Variants in SLC24A2 observed in about 807,000 individuals in gnomAD.
SLC24A2 encodes solute carrier family 24 member 2, also known as sodium/potassium/calcium exchanger 2.
In SLC24A2, 36 loss-of-function variants were observed where a neutral mutation model predicts 62.0. The ratio of observed to expected loss-of-function variants is 0.58; its 90% confidence interval spans 0.44 to 0.77. The LOEUF (loss-of-function observed/expected upper bound fraction) is 0.77. Among genes scored for constraint, SLC24A2 ranks in the 30% least tolerant of loss-of-function variants. The probability of loss-of-function intolerance (pLI) is 0.00; values close to 1 mark genes in which losing one functional copy is unlikely to be tolerated. For missense variants in SLC24A2, 846 were observed against 817.9 expected (o/e 1.03, Z -0.42); for synonymous variants, 358 against 294.0 (o/e 1.22, Z -2.23).
chr9:19,728,031 C>T (rs1821223193), intron 2 of SLC24A2, among the ~76,000 whole-genome samples: 1 of 152,122 alleles, frequency 6.6e-6, no homozygotes, highest in Admixed American at 6.6e-5. Context: ...TCACAGGCTT[C>T]CACTGCTTGC....
chr9:20,134,101 T>G, the SLC24A2 span, among the ~76,000 whole-genome samples: 2 of 152,108 alleles, frequency 1.3e-5, no homozygotes, highest in Non-Finnish European at 2.9e-5. Context: ...ATGATATCGA[T>G]GAGAGCTGAA....
At chr9:20,239,281 G>A in the SLC24A2 span, among the ~76,000 whole-genome samples, 1 of 152,222 alleles carries the variant, frequency 6.6e-6, no homozygotes, top group African/African-American at 2.4e-5. Context: ...TTAACTGTGT[G>A]TTAAGCATTG....
In SLC24A2 at chr9:19,513,126, T is replaced by C. The variant is rs968296137; in HGVS notation, c.*3027A>G. 6.8e-6 allele frequency: 1 copy of C among 146,868 alleles called. No individual in the cohort carries two copies. The highest frequency in any genetic ancestry group is 2.5e-5 in the African/African-American group (1 of 39,620). 9.1% of individuals were successfully genotyped at this position (146,868 alleles called of 1,614,324 possible). On this transcript the variant is annotated 3_prime_UTR_variant, in exon 11 of 11. Coordinates refer to ENST00000341998, the MANE Select transcript of SLC24A2 (RefSeq NM_020344.4). ...GAGGGTGATGATGTAAGTCATATTA[T>C]ATGTGTACATATAGATCTGGTATAA...
chr9:19,748,008 A>C (rs1261983691), intron 2 of SLC24A2, among the ~76,000 whole-genome samples: 1 of 152,190 alleles, frequency 6.6e-6, no homozygotes, highest in African/African-American at 2.4e-5. Flanking sequence ...GTGTGTGCTA[A>C]GGGCTGACAC....
chr9:19,986,216 A>C, the SLC24A2 span, among the ~76,000 whole-genome samples: 1 of 152,182 alleles, frequency 6.6e-6, no homozygotes, highest in South Asian at 2.1e-4. Context: ...AGTAAAAACT[A>C]CAGAGGGATA....
chr9:20,247,242 G>C, the SLC24A2 span, among the ~76,000 whole-genome samples: 1 of 152,132 alleles, frequency 6.6e-6, no homozygotes, highest in East Asian at 1.9e-4. Flanking sequence ...AGAACCAACA[G>C]ATTATTTTCT....
chr9:19,842,330 C>T, the SLC24A2 span, among the ~76,000 whole-genome samples: 1 of 152,168 alleles, frequency 6.6e-6, no homozygotes, highest in Admixed American at 6.5e-5. Context: ...CTACATACTC[C>T]ATGATCCAGA....
chr9:19,998,371 T>TGAATC, the SLC24A2 span, among the ~76,000 whole-genome samples: 9 of 152,200 alleles, frequency 5.9e-5, no homozygotes, highest in African/African-American at 2.2e-4. Flanking sequence ...TCCTGAAGCC[T>TGAATC]GTCAATGATT....
rs2132603896 is a variant in SLC24A2 at position 19,510,976 on chromosome 9, G to C, written c.*5177C>G. 1 of 152,324 alleles carries C rather than the reference G, an allele frequency of 6.6e-6. No homozygotes were observed. The highest frequency in any genetic ancestry group is 2.4e-5 in the African/African-American group (1 of 41,552). The allele number at this position is 152,324 out of a possible 1,614,324, so 9.4% of individuals were successfully genotyped here. ...TGGAGTTTGGGTGGTTCTGAGCAAG[G>C]CTGGTGCCCCATGTGTGAGGAAGGC... is the stretch of plus-strand genomic sequence containing the variant. On this transcript the variant is annotated 3_prime_UTR_variant, in exon 11 of 11. Transcript: ENST00000341998.
chr9:19,602,120 CTTTT>C (rs1226102457), intron 4 of SLC24A2, among the ~76,000 whole-genome samples: 2 of 152,168 alleles, frequency 1.3e-5, no homozygotes, highest in African/African-American at 4.8e-5. Context: ...CCAGACTTTG[CTTTT>C]TATTACCAGT....
At chr9:20,246,067 T>G in the SLC24A2 span, among the ~76,000 whole-genome samples, 1 of 152,128 alleles carries the variant, frequency 6.6e-6, no homozygotes, top group Non-Finnish European at 1.5e-5. Flanking sequence ...GGAAAAGAAA[T>G]AAGATCATGT....
chr9:20,031,214 A>ACATACACAC, the SLC24A2 span, among the ~76,000 whole-genome samples: 1 of 150,404 alleles, frequency 6.6e-6, no homozygotes, highest in Non-Finnish European at 1.5e-5. Context: ...TTTACTTTGC[A>ACATACACAC]CATACACACA....
chr9:20,235,895 A>T, the SLC24A2 span, among the ~76,000 whole-genome samples: 1 of 152,074 alleles, frequency 6.6e-6, no homozygotes, highest in Non-Finnish European at 1.5e-5. Flanking sequence ...TTCTTTTTTT[A>T]AAATTAATGT....
At chr9:20,271,438 G>A in the SLC24A2 span, among the ~76,000 whole-genome samples, 1 of 152,018 alleles carries the variant, frequency 6.6e-6, no homozygotes, top group African/African-American at 2.4e-5. Context: ...GATATATGCT[G>A]CTGCTGCTTT....
chr9:20,299,590 G>T, the SLC24A2 span, among the ~76,000 whole-genome samples: 1 of 152,186 alleles, frequency 6.6e-6, no homozygotes, highest in East Asian at 1.9e-4. Context: ...GGTTCCTTAT[G>T]AATCCATTGG....
At chr9:19,880,236 C>A in the SLC24A2 span, among the ~76,000 whole-genome samples, 1 of 151,996 alleles carries the variant, frequency 6.6e-6, no homozygotes, top group South Asian at 2.1e-4. Context: ...GCATTCCAAT[C>A]CTTCCAAGAG....
At chr9:19,794,409 C>G in the SLC24A2 span, among the ~76,000 whole-genome samples, 2 of 152,060 alleles carry the variant, frequency 1.3e-5, no homozygotes, top group Non-Finnish European at 2.9e-5. Flanking sequence ...ATCAGGTACA[C>G]ATGGACACAA....
At chr9:20,280,483 G>C in the SLC24A2 span, among the ~76,000 whole-genome samples, 1 of 152,172 alleles carries the variant, frequency 6.6e-6, no homozygotes, top group Admixed American at 6.5e-5. Flanking sequence ...GGGAGGTCTG[G>C]GCTGGGCACC....
the SLC24A2 span, among the ~76,000 whole-genome samples, chr9:19,938,839 A>T: frequency 6.6e-6 from 1 of 152,210 alleles, no homozygotes; most frequent in Non-Finnish European, 1.5e-5. Context: ...TGCTCCGCAC[A>T]TTTTACTTAA....
Sources: gnomAD v4.1 joint callset for allele counts (sites outside exome capture counted in the v4.1 genomes callset) on GRCh38, gnomAD v4.1.1 for gene constraint, MANE v1.5 for transcripts, NCBI Gene and HGNC (gene_info 2026-07-23, HGNC 2026-07-21) for gene names.